Variants in NRP2 observed in about 807,000 individuals in gnomAD.
NRP2 encodes neuropilin-2.
A neutral mutation model predicts 110.4 loss-of-function variants in NRP2; 52 were observed. The observed-to-expected ratio is 0.47, with a 90% CI of 0.38 to 0.59. NRP2 has a LOEUF of 0.59. Among genes scored for constraint, NRP2 ranks in the 20% least tolerant of loss-of-function variants. The pLI, the probability that NRP2 is intolerant of heterozygous loss-of-function variation, is 0.00. For missense variants in NRP2, 1,049 were observed against 1,203.0 expected (o/e 0.87, Z 1.89); for synonymous variants, 508 against 468.9 (o/e 1.08, Z -1.08).
intron 7 of NRP2, among the ~76,000 whole-genome samples, chr2:205,735,451 G>A (rs1294639281): frequency 8.2e-5 from 12 of 145,486 alleles, no homozygotes; most frequent in Admixed American, 8.2e-4. Context: ...CTTCTTATTA[G>A]ATTTTATATA....
intron 7 of NRP2, among the ~76,000 whole-genome samples, chr2:205,734,232 C>T (rs1575601904): frequency 6.6e-6 from 1 of 152,136 alleles, no homozygotes; most frequent in East Asian, 1.9e-4. Context: ...CACACACACA[C>T]ATGCCTCTAA....
intron 15 of NRP2, among the ~76,000 whole-genome samples, chr2:205,772,679 A>G (rs1236736644): frequency 6.6e-6 from 1 of 152,126 alleles, no homozygotes; most frequent in South Asian, 2.1e-4. Flanking sequence ...AGATCAACCA[A>G]CTCCAGGCAA....
chr2:205,774,992 G>A (rs2058076521), intron 15 of NRP2, among the ~76,000 whole-genome samples: 1 of 152,094 alleles, frequency 6.6e-6, no homozygotes, highest in Non-Finnish European at 1.5e-5. Flanking sequence ...TGAGCAGAGG[G>A]GGACCACCCT....
In NRP2 at chr2:205,749,846, G is replaced by C. The variant is rs1336554465; in HGVS notation, c.1903+5G>C. 3 of 1,608,816 alleles carry C rather than the reference G, an allele frequency of 1.9e-6. No individual in the cohort carries two copies. Among genetic ancestry groups the C allele is most frequent in the Middle Eastern group, 1.7e-4 (1 of 6,048 alleles). On this transcript the variant is annotated splice_donor_5th_base_variant and intron_variant, in intron 11 of 16. Transcript: ENST00000357785. ...AGAACTGCAGCTTTGAGGATGGTAA[G>C]CACAAATTGCCTCCAGATGGCATGG...
intron 12 of NRP2, among the ~76,000 whole-genome samples, chr2:205,754,869 C>A (rs186045998): frequency 6.6e-6 from 1 of 152,024 alleles, no homozygotes; most frequent in African/African-American, 2.4e-5. Context: ...AGGATATAGC[C>A]GGGGTCCTCT....
chr2:205,782,646 T>C (rs111459411), intron 15 of NRP2, among the ~76,000 whole-genome samples: 1,633 of 152,282 alleles, frequency 0.011, 26 homozygotes, highest in Middle Eastern at 0.037. Context: ...TTTAGTTTGG[T>C]TTCATTTGGT....
intron 16 of NRP2, among the ~76,000 whole-genome samples, chr2:205,792,705 A>G (rs1420927225): frequency 2.0e-5 from 3 of 152,092 alleles, no homozygotes; most frequent in Admixed American, 6.6e-5. Context: ...GGCTTGGGGG[A>G]AACCTTCCTC....
Position 205,798,037 on chromosome 2 carries a change from CA to C in NRP2, c.*2981del, listed in dbSNP as rs1241002021. 6.6e-6 allele frequency: 1 copy of C among 152,000 alleles called. No homozygotes were observed. Among genetic ancestry groups the C allele is most frequent in the Non-Finnish European group, 1.5e-5 (1 of 67,982 alleles). 9.4% of individuals were successfully genotyped at this position (152,000 alleles called of 1,614,324 possible). A position where few individuals can be genotyped will look rare whatever the true frequency, so the allele number is the denominator to read the frequency against. ...CTTGAGAGCTTTTACTGTGATTCTT[CA>C]ATGTAAAAAATAAACAACAATGTCA... On this transcript the variant is annotated 3_prime_UTR_variant, in exon 17 of 17. Transcript: ENST00000357785.
chr2:205,776,595 T>TC, intron 15 of NRP2: 1 of 1,599,068 alleles, frequency 6.3e-7, no homozygotes, highest in Non-Finnish European at 8.5e-7. Context: ...GATTTTGCAC[T>TC]TTTTTCTCCT....
chr2:205,723,150 T>C (rs918756106), intron 4 of NRP2, among the ~76,000 whole-genome samples: 2 of 152,230 alleles, frequency 1.3e-5, no homozygotes, highest in African/African-American at 2.4e-5. Flanking sequence ...TTAGCTGCTA[T>C]CATCATCATT....
In NRP2 at chr2:205,686,491, G is replaced by T. The variant is rs887961652; in HGVS notation, c.73+3128G>T. On this transcript the variant is annotated intron_variant, in intron 1 of 16. Transcript: ENST00000357785. The surrounding 1 kb of genome is among the most constrained non-coding windows in gnomAD (Gnocchi z 4.7). Reference sequence around the variant, plus strand: ...ACACAAGTTAATGGAGGCAAGGCGCGCTCTGATTGAAGGGCTGCCCCCGCC... The same window carrying T: ...ACACAAGTTAATGGAGGCAAGGCGCTCTCTGATTGAAGGGCTGCCCCCGCC... 3.9e-5 allele frequency among the ~76,000 whole-genome samples: 6 copies of T among 152,224 alleles called. No homozygotes were observed. Among genetic ancestry groups the T allele is most frequent in the African/African-American group, 1.4e-4 (6 of 41,460 alleles).
chr2:205,683,688 A>AT (rs1047298180), intron 1 of NRP2, among the ~76,000 whole-genome samples: 3 of 152,084 alleles, frequency 2.0e-5, no homozygotes, highest in South Asian at 2.1e-4. Flanking sequence ...GTTTTTGGGA[A>AT]TTTTTTTTCC....
intron 7 of NRP2, among the ~76,000 whole-genome samples, chr2:205,733,882 G>A (rs1157226547): frequency 1.3e-5 from 2 of 151,784 alleles, no homozygotes; most frequent in Admixed American, 1.3e-4. Context: ...TTAGTATGCT[G>A]TGTTCCAGGC....
chr2:205,689,795 C>G (rs969466926), intron 1 of NRP2, among the ~76,000 whole-genome samples: 7 of 152,136 alleles, frequency 4.6e-5, no homozygotes, highest in African/African-American at 1.4e-4. Context: ...GCAGGGAACA[C>G]CGTGTTTAAG....
chr2:205,691,612 A>G (rs1391474252), intron 1 of NRP2, among the ~76,000 whole-genome samples: 1 of 152,238 alleles, frequency 6.6e-6, no homozygotes, highest in South Asian at 2.1e-4. Context: ...AAATGAAGAC[A>G]ATATTATATT....
chr2:205,759,385 T>G (rs913923336), intron 12 of NRP2: 20 of 152,214 alleles, frequency 1.3e-4, no homozygotes, highest in African/African-American at 4.8e-4. Flanking sequence ...GGTTGTAACC[T>G]AGAAAACACA....
intron 2 of NRP2, chr2:205,700,843 C>A: frequency 2.1e-6 from 1 of 477,534 alleles, no homozygotes. Context: ...CCTGGGCACC[C>A]ACAGGCTGTT....
At chr2:205,764,784 C>CTT (rs2057886623) in intron 13 of NRP2, among the ~76,000 whole-genome samples, 1 of 152,176 alleles carries the variant, frequency 6.6e-6, no homozygotes, top group Non-Finnish European at 1.5e-5. Context: ...GAGACCTTCC[C>CTT]CACCCCCATC....
chr2:205,773,112 G>A (rs770012006), intron 15 of NRP2, among the ~76,000 whole-genome samples: 12 of 152,248 alleles, frequency 7.9e-5, no homozygotes, highest in Admixed American at 2.0e-4. Flanking sequence ...TTGATTTATC[G>A]TCTTCCTTTT....
Sources: allele counts gnomAD v4.1 joint callset (sites outside exome capture counted in the v4.1 genomes callset), GRCh38; gene constraint gnomAD v4.1.1; non-coding constraint Gnocchi (gnomAD v3.1); transcripts MANE v1.5; gene names NCBI Gene and HGNC (gene_info 2026-07-23, HGNC 2026-07-21).